SEMA6D: variants seen among roughly 807,000 people sequenced by gnomAD.
The protein encoded by SEMA6D is semaphorin 6D, also known as semaphorin-6D.
Under a neutral mutation model 106.6 loss-of-function variants are expected in SEMA6D, and 35 were observed. The observed-to-expected ratio is 0.33, with a 90% CI of 0.25 to 0.44. The LOEUF (loss-of-function observed/expected upper bound fraction) is 0.44, where lower values mean the gene tolerates loss of function less well. Among genes scored for constraint, SEMA6D ranks in the 20% least tolerant of loss-of-function variants. The pLI is 1.00. For missense variants in SEMA6D, 1,185 were observed against 1,345.9 expected, an observed-to-expected ratio of 0.88 and a Z score of 1.87; for synonymous variants, 499 against 487.7, an observed-to-expected ratio of 1.02 and a Z score of -0.31.
chr15:47,423,212 A>G (rs1218893855), intron 2 of SEMA6D, among the ~76,000 whole-genome samples: 7 of 151,904 alleles, frequency 4.6e-5, no homozygotes, highest in African/African-American at 1.2e-4. Flanking sequence ...ATTCAGATCA[A>G]TCAGAACAAC....
At position 47,760,991 on chromosome 15, in the gene SEMA6D, A is replaced by G. The variant is rs769840309; in HGVS notation, c.235A>G (p.Thr79Ala). 2 of 1,613,196 alleles carry G rather than the reference A, an allele frequency of 1.2e-6. No homozygotes were observed. The highest frequency in any genetic ancestry group is 1.7e-6 in the Non-Finnish European group (2 of 1,179,374). Residue 79 changes from threonine to alanine, a missense_variant, in exon 4 of 19, where the codon ACA becomes GCA. By Grantham distance (58) the Thr-to-Ala change is moderately conservative. Coordinates refer to ENST00000536845, the MANE Select transcript of SEMA6D (RefSeq NM_001358351.3). Reference sequence around the variant, plus strand: ...TATTTCCAACAGGGATCAAGTTTATACAGTAAACTTAAATGAAATGCCCAA... The same window carrying G: ...TATTTCCAACAGGGATCAAGTTTATGCAGTAAACTTAAATGAAATGCCCAA... ...LYIAGRDQVY[T>A]VNLNEMPKTE...
intron 4 of SEMA6D, among the ~76,000 whole-genome samples, chr15:47,657,726 T>TTC (rs2077827721): frequency 3.1e-5 from 1 of 32,574 alleles, no homozygotes; most frequent in African/African-American, 9.7e-5. Flanking sequence ...TTTCTTTTTT[T>TTC]TTTTTTTTTT....
At chr15:47,677,577 G>A (rs2078271253) in intron 4 of SEMA6D, among the ~76,000 whole-genome samples, 1 of 152,198 alleles carries the variant, frequency 6.6e-6, no homozygotes, top group Non-Finnish European at 1.5e-5. Flanking sequence ...TTTGAAAAAG[G>A]CAGTTTGCCA....
chr15:47,465,296 T>C (rs1249255948), intron 2 of SEMA6D, among the ~76,000 whole-genome samples: 1 of 152,172 alleles, frequency 6.6e-6, no homozygotes, highest in Non-Finnish European at 1.5e-5. Flanking sequence ...CTAACCTCTT[T>C]CACTATTAAT....
chr15:47,531,785 C>A (rs1370809639), intron 3 of SEMA6D, among the ~76,000 whole-genome samples: 1 of 152,278 alleles, frequency 6.6e-6, no homozygotes, highest in East Asian at 1.9e-4. Flanking sequence ...CAGTCTCCCC[C>A]ATGCCTATAA....
chr15:47,413,567 T>C (rs916950369), intron 2 of SEMA6D, among the ~76,000 whole-genome samples: 3 of 152,106 alleles, frequency 2.0e-5, no homozygotes, highest in Non-Finnish European at 4.4e-5. Context: ...CACTGCAGCC[T>C]TGAACTCCTA....
At chr15:47,244,944 C>A (rs2033119803) in intron 1 of SEMA6D, among the ~76,000 whole-genome samples, 1 of 151,998 alleles carries the variant, frequency 6.6e-6, no homozygotes, top group African/African-American at 2.4e-5. Context: ...AGAGAACATG[C>A]AATATTTGGT....
chr15:47,355,590 C>CTAG (rs1403688893), intron 1 of SEMA6D, among the ~76,000 whole-genome samples: 2 of 152,202 alleles, frequency 1.3e-5, no homozygotes, highest in African/African-American at 4.8e-5. Context: ...ATCTGGTTTG[C>CTAG]TCTAACTCCT....
intron 1 of SEMA6D, chr15:47,399,615 C>T (rs181990052): frequency 2.6e-5 from 4 of 152,282 alleles, no homozygotes; most frequent in African/African-American, 4.8e-5. Flanking sequence ...CATTGTCAGC[C>T]GAGAGGAACT....
intron 1 of SEMA6D, among the ~76,000 whole-genome samples, chr15:47,281,867 C>T (rs1394513690): frequency 6.6e-6 from 1 of 152,064 alleles, no homozygotes; most frequent in African/African-American, 2.4e-5. Context: ...TTCCACGATA[C>T]ATCTAAATAT....
At chr15:47,398,479 A>G (rs977024115) in intron 1 of SEMA6D, among the ~76,000 whole-genome samples, 6 of 152,222 alleles carry the variant, frequency 3.9e-5, no homozygotes, top group African/African-American at 1.4e-4. Context: ...GTCTATGCCA[A>G]TAAAATAAAC....
At chr15:47,188,734 G>A (rs1454212925) in intron 1 of SEMA6D, among the ~76,000 whole-genome samples, 2 of 152,176 alleles carry the variant, frequency 1.3e-5, no homozygotes, top group African/African-American at 4.8e-5. Flanking sequence ...GAAGAAGGCA[G>A]ATCATCAAAG....
intron 2 of SEMA6D, among the ~76,000 whole-genome samples, chr15:47,423,092 C>T (rs1047307416): frequency 2.0e-5 from 3 of 151,970 alleles, no homozygotes; most frequent in Non-Finnish European, 4.4e-5. Flanking sequence ...CTGTTTCTTC[C>T]GAATGACTCT....
intron 3 of SEMA6D, among the ~76,000 whole-genome samples, chr15:47,486,243 T>G (rs1420931443): frequency 6.6e-6 from 1 of 152,216 alleles, no homozygotes; most frequent in Non-Finnish European, 1.5e-5. Context: ...TTTCCATCCG[T>G]GTACTGAGTG....
At chr15:47,546,500 A>G (rs1435102143) in intron 3 of SEMA6D, among the ~76,000 whole-genome samples, 1 of 152,142 alleles carries the variant, frequency 6.6e-6, no homozygotes, top group Non-Finnish European at 1.5e-5. Flanking sequence ...AGTGCACTGT[A>G]TCTCCAAGTA....
intron 3 of SEMA6D, among the ~76,000 whole-genome samples, chr15:47,529,603 TA>T (rs67339779): frequency 1.3e-4 from 18 of 135,710 alleles, no homozygotes; most frequent in East Asian, 2.2e-4. Flanking sequence ...TCTGTAGCAC[TA>T]AAAAAAAAAA....
intron 4 of SEMA6D, among the ~76,000 whole-genome samples, chr15:47,656,582 ACT>A (rs1308644903): frequency 6.6e-6 from 1 of 152,148 alleles, no homozygotes; most frequent in Non-Finnish European, 1.5e-5. Flanking sequence ...TGTAAGGATA[ACT>A]CTATGATTGA....
At chr15:47,719,940 C>T (rs954855251) in intron 1 of SEMA6D, among the ~76,000 whole-genome samples, 4 of 152,114 alleles carry the variant, frequency 2.6e-5, no homozygotes, top group Non-Finnish European at 5.9e-5. Flanking sequence ...TAGAAAATGC[C>T]AGATAAGCTC....
At chr15:47,690,052 G>A (rs747113021) in intron 4 of SEMA6D, among the ~76,000 whole-genome samples, 1 of 152,216 alleles carries the variant, frequency 6.6e-6, no homozygotes, top group Non-Finnish European at 1.5e-5. Flanking sequence ...CTCTATGCAG[G>A]GGAGTGTTTC....
Sources: allele counts gnomAD v4.1 joint callset (sites outside exome capture counted in the v4.1 genomes callset), GRCh38; gene constraint gnomAD v4.1.1; transcripts MANE v1.5; gene names NCBI Gene and HGNC (gene_info 2026-07-23, HGNC 2026-07-21).